UGT1A10: variants seen among roughly 807,000 people sequenced by gnomAD.
The protein encoded by UGT1A10 is UDP glucuronosyltransferase family 1 member A10.
A neutral mutation model predicts 45.8 loss-of-function variants in UGT1A10; 49 were observed. The observed-to-expected ratio is 1.07, with a 90% CI of 0.85 to 1.36. UGT1A10 has a LOEUF of 1.36. UGT1A10 is among the 40% of genes most tolerant of loss of function. UGT1A10 has a pLI of 0.00. For missense variants in UGT1A10, 745 were observed against 668.6 expected (o/e 1.11, Z -1.26); for synonymous variants, 284 against 249.7 (o/e 1.14, Z -1.29).
chr2:233,681,820 T>C, intron 1 of UGT1A10: 1 of 1,500,444 alleles, frequency 6.7e-7, no homozygotes, highest in Non-Finnish European at 8.9e-7. Flanking sequence ...AATTTTTTTT[T>C]AAATGAATGA....
chr2:233,755,121 G>T, intron 1 of UGT1A10: 1 of 1,328,504 alleles, frequency 7.5e-7, no homozygotes. Context: ...GTAGGCCTCA[G>T]CCACCTGCTT....
At chr2:233,659,334 A>G (rs936218280) in intron 1 of UGT1A10, among the ~76,000 whole-genome samples, 1 of 152,224 alleles carries the variant, frequency 6.6e-6, no homozygotes, top group Non-Finnish European at 1.5e-5. Context: ...TGTATAGCAG[A>G]AGCCTTACCA....
intron 1 of UGT1A10, among the ~76,000 whole-genome samples, chr2:233,726,089 C>T (rs567639330): frequency 3.9e-5 from 6 of 152,122 alleles, no homozygotes; most frequent in Non-Finnish European, 7.3e-5. Flanking sequence ...TTACTTGATC[C>T]GAGGAGGTGG....
intron 1 of UGT1A10, among the ~76,000 whole-genome samples, chr2:233,653,892 C>T (rs1252009906): frequency 1.3e-5 from 2 of 152,152 alleles, no homozygotes; most frequent in African/African-American, 4.8e-5. Context: ...CCACCACGCC[C>T]GGCCAAGAAA....
rs45554333 is a variant in UGT1A10, at chr2:233,672,932, C to A, written c.855+35555C>A. ...TTTAACAAATTATTTTGTGCCAATG[C>A]GTGTACTCGTCAGTAGCAAATTTTA... On this transcript the variant is annotated intron_variant, in intron 1 of 4. Coordinates refer to ENST00000344644, the MANE Select transcript of UGT1A10 (RefSeq NM_019075.4). 515 of 1,450,554 alleles carry A rather than the reference C, an allele frequency of 3.6e-4. 1 individual carries two copies. Among genetic ancestry groups the A allele is most frequent in the Non-Finnish European group, 4.4e-4 (476 of 1,093,898 alleles). The allele number at this position is 1,450,554 out of a possible 1,614,324, so 89.9% of individuals were successfully genotyped here.
chr2:233,691,741 C>T (rs1019333955), intron 1 of UGT1A10: 1 of 650,910 alleles, frequency 1.5e-6, no homozygotes, highest in African/African-American at 2.0e-5. Context: ...GAAGCAGATA[C>T]CAGGCTTTCT....
At chr2:233,765,980 C>T (rs987100848) in intron 1 of UGT1A10, among the ~76,000 whole-genome samples, 1 of 152,096 alleles carries the variant, frequency 6.6e-6, no homozygotes, top group African/African-American at 2.4e-5. Flanking sequence ...ATGTTTACAG[C>T]TCCTGAAGCT....
At position 233,769,586 on chromosome 2, in the gene UGT1A10, A is replaced by G; in HGVS notation, c.1295+1147A>G. ...AAGAGCTGGAGCATGTTCAGATGAG[A>G]GGAGACGGAACACGGGGACACACCA... On this transcript the variant is annotated intron_variant, in intron 4 of 4. Transcript: ENST00000344644. This position sits in a 1 kb window ranked among gnomAD's most constrained non-coding sequence, Gnocchi z 4.4. 2.5e-6 allele frequency: 4 copies of G among 1,612,900 alleles called. No individual in the cohort carries two copies. The highest frequency in any genetic ancestry group is 3.4e-6 in the Non-Finnish European group (4 of 1,179,882).
At chr2:233,712,339 T>A (rs545397552) in intron 1 of UGT1A10, among the ~76,000 whole-genome samples, 7 of 152,174 alleles carry the variant, frequency 4.6e-5, no homozygotes, top group Non-Finnish European at 1.0e-4. Context: ...AATCTGATCA[T>A]CACATCTTGA....
At chr2:233,726,279 G>C (rs566930046) in intron 1 of UGT1A10, among the ~76,000 whole-genome samples, 9 of 152,210 alleles carry the variant, frequency 5.9e-5, no homozygotes, top group Non-Finnish European at 1.2e-4. Flanking sequence ...TATGGTCCCA[G>C]GTACTTGGGA....
At chr2:233,755,500 A>G (rs1249263278) in intron 1 of UGT1A10, 1 of 181,898 alleles carries the variant, frequency 5.5e-6, no homozygotes, top group Non-Finnish European at 1.2e-5. Flanking sequence ...ATGCTCCAAG[A>G]CCAGGCCCCG....
chr2:233,642,255 C>T (rs917217367), intron 1 of UGT1A10, among the ~76,000 whole-genome samples: 1 of 152,162 alleles, frequency 6.6e-6, no homozygotes, highest in Non-Finnish European at 1.5e-5. Context: ...TGTCTTCAAG[C>T]TCAGTAATTA....
At chr2:233,731,647 G>A (rs2078187092) in intron 1 of UGT1A10, among the ~76,000 whole-genome samples, 1 of 152,156 alleles carries the variant, frequency 6.6e-6, no homozygotes, top group Admixed American at 6.5e-5. Flanking sequence ...GTATTCCATG[G>A]TGTATATGTG....
At position 233,721,180 on chromosome 2, in the gene UGT1A10, C is replaced by A. The variant is rs28898614; in HGVS notation, c.856-45854C>A. On this transcript the variant is annotated intron_variant, in intron 1 of 4. Coordinates refer to ENST00000344644, the MANE Select transcript of UGT1A10 (RefSeq NM_019075.4). Reference sequence around the variant, plus strand: ...AACTTTATTTTTGTTTTTGATCAAACCACAAGATATTTGTTCTACTGGTTT... The same window carrying A: ...AACTTTATTTTTGTTTTTGATCAAAACACAAGATATTTGTTCTACTGGTTT... Among the ~76,000 whole-genome samples the A allele has an allele frequency of 9.2e-3, 1,399 of 152,232 alleles. 33 individuals carry two copies. Among genetic ancestry groups the A allele is most frequent in the African/African-American group, 0.032 (1,310 of 41,542 alleles).
At chr2:233,694,947 T>A (rs1431838527) in intron 1 of UGT1A10, among the ~76,000 whole-genome samples, 1 of 152,222 alleles carries the variant, frequency 6.6e-6, no homozygotes, top group Non-Finnish European at 1.5e-5. Flanking sequence ...AATTGAGATA[T>A]CCATCACCTT....
intron 1 of UGT1A10, chr2:233,753,251 C>T (rs1242257828): frequency 6.6e-6 from 1 of 152,206 alleles, no homozygotes; most frequent in African/African-American, 2.4e-5. Flanking sequence ...TAAGAAGCAA[C>T]TACCCAGGCA....
chr2:233,712,903 T>G (rs2076260493), intron 1 of UGT1A10: 18 of 1,609,700 alleles, frequency 1.1e-5, no homozygotes, highest in Non-Finnish European at 1.4e-5. Context: ...TTGCTAGGTG[T>G]CTCAGTGACA....
rs904899091 is a variant in UGT1A10, at chr2:233,718,702, T to A, written c.856-48332T>A. ...TAAGTAACTGGAGGAGGGCACTTTG[T>A]CTTCCAATTACATGCTGATTTGCTA... is the stretch of plus-strand genomic sequence containing the variant. On this transcript the variant is annotated intron_variant, in intron 1 of 4. Coordinates refer to ENST00000344644, the MANE Select transcript of UGT1A10 (RefSeq NM_019075.4). The A allele has an allele frequency of 5.0e-6, 8 of 1,600,742 alleles. No homozygotes were observed. In the East Asian group the frequency reaches 1.8e-4, roughly 36 times the overall value.
rs559276677 is a variant in UGT1A10 at position 233,725,023 on chromosome 2, C to T, written c.856-42011C>T. Among the ~76,000 whole-genome samples the T allele has an allele frequency of 1.0e-4, 15 of 148,462 alleles. 1 individual carries two copies. The highest frequency in any genetic ancestry group is 6.9e-4 in the South Asian group (3 of 4,350). On this transcript the variant is annotated intron_variant, in intron 1 of 4. Coordinates refer to ENST00000344644, the MANE Select transcript of UGT1A10 (RefSeq NM_019075.4). ...ACCGGCCCGGCCAAACAGCAAAACCCGGTCTCCACCAAAACCAGTCAGGCG... is the reference window on the plus strand; with the variant it reads ...ACCGGCCCGGCCAAACAGCAAAACCTGGTCTCCACCAAAACCAGTCAGGCG...
Sources: gnomAD v4.1 joint callset for allele counts (sites outside exome capture counted in the v4.1 genomes callset) on GRCh38, gnomAD v4.1.1 for gene constraint, Gnocchi (gnomAD v3.1) non-coding constraint, MANE v1.5 for transcripts, NCBI Gene and HGNC (gene_info 2026-07-23, HGNC 2026-07-21) for gene names.